UNC13B: variants seen among roughly 807,000 people sequenced by gnomAD.
The protein encoded by UNC13B is protein unc-13 homolog B.
In UNC13B, 144 loss-of-function variants were observed where a neutral mutation model predicts 211.0. That is an observed-to-expected ratio of 0.68 (90% CI 0.60 to 0.78). UNC13B has a LOEUF of 0.78. Ranked by LOEUF, UNC13B falls within the 30% of genes least tolerant of loss-of-function variation. The pLI, the probability that UNC13B is intolerant of heterozygous loss-of-function variation, is 0.00. For missense variants in UNC13B, 1,777 were observed against 2,002.0 expected, an observed-to-expected ratio of 0.89 and a Z score of 2.14; for synonymous variants, 709 against 725.8, an observed-to-expected ratio of 0.98 and a Z score of 0.37.
chr9:35,343,657 G>A (rs775842530), intron 11 of UNC13B, among the ~76,000 whole-genome samples: 7 of 151,998 alleles, frequency 4.6e-5, no homozygotes, highest in Non-Finnish European at 7.4e-5. Flanking sequence ...CGTAACATTC[G>A]ACTGCCTCTG....
intron 22 of UNC13B, chr9:35,385,254 A>G: frequency 2.0e-6 from 2 of 985,484 alleles, no homozygotes; most frequent in South Asian, 4.7e-5. Flanking sequence ...CTGGCTGCAG[A>G]ACAGTAGAAG....
rs757328319 is a variant in UNC13B at position 35,376,189 on chromosome 9, A to G, written c.9777A>G (p.Glu3259=). ...CCCGGCAGGGCATGCGCTGCAGCGA[A>G]TGTGGAGTCAAGTGCCATGAGAAGT... ...GIARQGMRCS[E]CGVKCHEKCQ... is the part of the protein sequence containing the mutation. The change falls in exon 15 of 40, where the codon GAA becomes GAG. Residue 3259 remains glutamate (E), a synonymous_variant. Transcript: ENST00000635942. 1.2e-6 allele frequency: 2 copies of G among 1,614,108 alleles called. No individual in the cohort carries two copies. Among genetic ancestry groups the G allele is most frequent in the Non-Finnish European group, 1.7e-6 (2 of 1,180,012 alleles).
At chr9:35,387,977 G>A (rs890046343) in intron 24 of UNC13B, among the ~76,000 whole-genome samples, 13 of 152,132 alleles carry the variant, frequency 8.5e-5, no homozygotes, top group Admixed American at 7.9e-4. Context: ...AAATCTCTCA[G>A]AAGAGGCAAA....
At chr9:35,381,827 C>G in intron 20 of UNC13B, 108 bp downstream of exon 20, 1 of 1,360,996 alleles carries the variant, frequency 7.3e-7, no homozygotes, top group Non-Finnish European at 1.0e-6. Context: ...TGCAGTGATT[C>G]CTTTACTTTC....
Position 35,399,631 on chromosome 9 carries a change from G to A in UNC13B, c.12256-18G>A. On this transcript the variant is annotated intron_variant, in intron 35 of 39. Transcript: ENST00000635942. ...GACTGCTGTGAGCTGTCCTGATGCT[G>A]CTGATTTCTCTGAACAGGATCACAT... 1 of 1,614,022 alleles carries A rather than the reference G, an allele frequency of 6.2e-7. No homozygotes were observed.
rs1554698741 is a variant in UNC13B, at chr9:35,297,561, T to TTTTTTGTTTTTTTGTTTTTTTG, written c.761+1636_761+1637insGTTTTTTTGTTTTTTTGTTTTT. Among the ~76,000 whole-genome samples, 25 of 128,164 alleles carry TTTTTTGTTTTTTTGTTTTTTTG rather than the reference T, an allele frequency of 2.0e-4. 1 individual carries two copies. Among genetic ancestry groups the TTTTTTGTTTTTTTGTTTTTTTG allele is most frequent in the Non-Finnish European group, 3.2e-4 (19 of 59,100 alleles). 84.1% of individuals were successfully genotyped at this position (128,164 alleles called of 152,430 possible). ...ACATACTTTGTCTTTTTTTTTTTTT[T>TTTTTTGTTTTTTTGTTTTTTTG]TTTTTTGAGACGGAGTCTCGCTCTT... On this transcript the variant is annotated intron_variant, in intron 8 of 39. Transcript: ENST00000635942.
At chr9:35,286,149 C>A (rs1828779247) in intron 7 of UNC13B, among the ~76,000 whole-genome samples, 1 of 150,508 alleles carries the variant, frequency 6.6e-6, no homozygotes, top group African/African-American at 2.4e-5. Flanking sequence ...GTCTGTTGTT[C>A]TAATGAGGGA....
intron 11 of UNC13B, chr9:35,351,614 G>A: frequency 8.1e-7 from 1 of 1,232,276 alleles, no homozygotes; most frequent in Non-Finnish European, 1.0e-6. Flanking sequence ...GGCTAAGGCA[G>A]AGACCATGTG....
At chr9:35,352,224 A>G (rs754064642) in intron 11 of UNC13B, 2 of 1,232,196 alleles carry the variant, frequency 1.6e-6, no homozygotes, top group Non-Finnish European at 2.0e-6. Context: ...GATGGAGAAA[A>G]TACTATGGAA....
At chr9:35,253,424 T>A (rs1286598418) in intron 6 of UNC13B, among the ~76,000 whole-genome samples, 1 of 151,836 alleles carries the variant, frequency 6.6e-6, no homozygotes, top group African/African-American at 2.4e-5. Flanking sequence ...TTGGCTTTTT[T>A]CTCTTCTCTT....
At chr9:35,163,887 T>G (rs909881076) in intron 1 of UNC13B, among the ~76,000 whole-genome samples, 1 of 152,242 alleles carries the variant, frequency 6.6e-6, no homozygotes, top group African/African-American at 2.4e-5. Flanking sequence ...ATTGTCTTTT[T>G]GAATAGAGAT....
chr9:35,378,537 C>T, intron 17 of UNC13B, 101 bp downstream of exon 17: 1 of 1,494,814 alleles, frequency 6.7e-7, no homozygotes, highest in South Asian at 1.2e-5. Flanking sequence ...TGGGCAAAGG[C>T]AGGGGAGAAA....
intron 1 of UNC13B, among the ~76,000 whole-genome samples, chr9:35,201,269 T>C (rs1179592078): frequency 6.6e-6 from 1 of 152,238 alleles, no homozygotes; most frequent in African/African-American, 2.4e-5. Context: ...TGCATTGATG[T>C]TCATCAGGAT....
chr9:35,380,686 A>G (rs1457804936), intron 18 of UNC13B, 47 bp downstream of exon 18: 1 of 1,611,620 alleles, frequency 6.2e-7, no homozygotes, highest in African/African-American at 1.3e-5. Flanking sequence ...GAAAGCATGA[A>G]GGGGACCTGG....
intron 21 of UNC13B, 33 bp from the exon 22 acceptor site, chr9:35,384,209 CTCTT>C (rs1564186639): frequency 6.2e-7 from 1 of 1,613,102 alleles, no homozygotes; most frequent in East Asian, 2.2e-5. Context: ...GACACAGGTT[CTCTT>C]TTTCTTCCCC....
At chr9:35,199,510 T>C (rs1823152823) in intron 1 of UNC13B, among the ~76,000 whole-genome samples, 1 of 152,168 alleles carries the variant, frequency 6.6e-6, no homozygotes, top group Admixed American at 6.5e-5. Flanking sequence ...ACCTGTTGTT[T>C]CCTGACTTTT....
In UNC13B at chr9:35,404,807, A is replaced by T. The variant is rs916975534; in HGVS notation, c.*774A>T. The T allele has an allele frequency of 6.6e-6, 1 of 152,542 alleles. No individual in the cohort carries two copies. Among genetic ancestry groups the T allele is most frequent in the African/African-American group, 2.4e-5 (1 of 41,398 alleles). The allele number at this position is 152,542 out of a possible 1,614,324, so 9.4% of individuals were successfully genotyped here. A position where few individuals can be genotyped will look rare whatever the true frequency, so the allele number is the denominator to read the frequency against. On this transcript the variant is annotated 3_prime_UTR_variant, in exon 40 of 40. Coordinates refer to ENST00000635942, the MANE Select transcript of UNC13B (RefSeq NM_001371189.2). ...TCAGGACGTGACAGGCTGTTCTAAC[A>T]TGTGTCTACCTGAGGGCTAGTTGAA...
chr9:35,384,493 G>T, intron 22 of UNC13B, 179 bp downstream of exon 22: 1 of 985,448 alleles, frequency 1.0e-6, no homozygotes, highest in Non-Finnish European at 1.2e-6. Flanking sequence ...GGACCATGTG[G>T]TGTATAAATA....
chr9:35,255,805 C>A (rs543707921), intron 6 of UNC13B, among the ~76,000 whole-genome samples: 1 of 152,058 alleles, frequency 6.6e-6, no homozygotes, highest in Admixed American at 6.6e-5. Flanking sequence ...GCTGCATGAC[C>A]CCTAAAGTGA....
Sources: gnomAD v4.1 joint callset for allele counts (sites outside exome capture counted in the v4.1 genomes callset) on GRCh38, gnomAD v4.1.1 for gene constraint, MANE v1.5 for transcripts, NCBI Gene and HGNC (gene_info 2026-07-23, HGNC 2026-07-21) for gene names.